MAD1L1: variants seen among roughly 807,000 people sequenced by gnomAD.
The protein encoded by MAD1L1 is mitotic arrest deficient 1 like 1, also known as mitotic spindle assembly checkpoint protein MAD1.
In MAD1L1, 95 loss-of-function variants were observed where a neutral mutation model predicts 96.9. The observed-to-expected ratio is 0.98, with a 90% confidence interval of 0.83 to 1.16. The LOEUF (loss-of-function observed/expected upper bound fraction) is 1.16. Ranked by LOEUF, MAD1L1 falls within the 50% of genes most tolerant of loss-of-function variation. MAD1L1 has a pLI of 0.00. For missense variants in MAD1L1, 1,007 were observed against 954.4 expected (o/e 1.06, Z -0.73); for synonymous variants, 473 against 396.6 (o/e 1.19, Z -2.29).
At chr7:1,840,568 A>G (rs1783196791) in intron 18 of MAD1L1, among the ~76,000 whole-genome samples, 1 of 152,132 alleles carries the variant, frequency 6.6e-6, no homozygotes, top group South Asian at 2.1e-4. Flanking sequence ...CGTCTCTACT[A>G]AAAATACAAA....
At chr7:2,183,628 C>T (rs1234670201) in intron 10 of MAD1L1, among the ~76,000 whole-genome samples, 2 of 152,100 alleles carry the variant, frequency 1.3e-5, no homozygotes, top group African/African-American at 4.8e-5. Context: ...TGGAGACTAT[C>T]ATTCTCAGCA....
intron 9 of MAD1L1, among the ~76,000 whole-genome samples, chr7:2,214,267 A>G (rs1329219624): frequency 6.6e-6 from 1 of 152,216 alleles, no homozygotes; most frequent in East Asian, 1.9e-4. Flanking sequence ...CTCTTCAACC[A>G]TCAAACAATA....
At chr7:2,093,019 C>A (rs894941477) in intron 11 of MAD1L1, among the ~76,000 whole-genome samples, 1 of 151,348 alleles carries the variant, frequency 6.6e-6, no homozygotes, top group East Asian at 1.9e-4. Flanking sequence ...GGGTGGATCA[C>A]GAGGTCAGGA....
chr7:2,061,020 T>C lies in MAD1L1; in HGVS notation c.1218+8174A>G, dbSNP rs117612879. Among the ~76,000 whole-genome samples the C allele has an allele frequency of 6.9e-3, 1,044 of 152,234 alleles. 3 individuals are homozygous for C. The highest frequency in any genetic ancestry group is 9.4e-3 in the Non-Finnish European group (638 of 68,018). On this transcript the variant is annotated intron_variant, in intron 12 of 18. Transcript: ENST00000265854. ...CACATCCAGAGTAAAGAACTACAAC[T>C]CAGTAAGAACAAGGCAAACAATCAT... is the stretch of plus-strand genomic sequence containing the variant.
chr7:1,871,293 T>G (rs1785077053), intron 18 of MAD1L1, among the ~76,000 whole-genome samples: 1 of 140,336 alleles, frequency 7.1e-6, no homozygotes, highest in African/African-American at 2.7e-5. Flanking sequence ...TTGTAACACC[T>G]GCCACACTGA....
rs1337555830 is a variant in MAD1L1, at chr7:1,968,542, T to C, written c.1506-10823A>G. On this transcript the variant is annotated intron_variant, in intron 15 of 18. Transcript: ENST00000265854. This position sits in a 1 kb window ranked among gnomAD's most constrained non-coding sequence, Gnocchi z 5.6. Reference sequence around the variant, plus strand: ...GGTCCACCGTCAATGCCAGCGGTCATGTCCACCATCAACGCCTCAGTCCAG... The same window carrying C: ...GGTCCACCGTCAATGCCAGCGGTCACGTCCACCATCAACGCCTCAGTCCAG... Among the ~76,000 whole-genome samples the C allele has an allele frequency of 7.0e-6, 1 of 143,660 alleles. No homozygotes were observed. The highest frequency in any genetic ancestry group is 1.5e-5 in the Non-Finnish European group (1 of 66,324). The allele number at this position is 143,660 out of a possible 152,430, so 94.2% of individuals were successfully genotyped here.
chr7:2,033,375 C>T (rs1410079423), intron 12 of MAD1L1, among the ~76,000 whole-genome samples: 3 of 152,182 alleles, frequency 2.0e-5, no homozygotes, highest in African/African-American at 7.2e-5. Flanking sequence ...GGAGCAAGGC[C>T]CTGAAAGGCT....
At chr7:1,834,944 A>G (rs570955670) in intron 18 of MAD1L1, among the ~76,000 whole-genome samples, 105 of 152,254 alleles carry the variant, frequency 6.9e-4, no homozygotes, top group Non-Finnish European at 1.3e-3. Context: ...CCAATAACAT[A>G]TAAAAAAAGA....
At chr7:1,917,154 G>A (rs55703253) in intron 17 of MAD1L1, among the ~76,000 whole-genome samples, 7,552 of 152,302 alleles carry the variant, frequency 0.05, 281 homozygotes, top group Admixed American at 0.1. Context: ...GAGCGTCCAG[G>A]CGATGCTCAG....
chr7:1,881,233 T>C (rs1224451365), intron 18 of MAD1L1, among the ~76,000 whole-genome samples: 2 of 152,196 alleles, frequency 1.3e-5, no homozygotes, highest in Non-Finnish European at 2.9e-5. Context: ...TGGGTTTAAA[T>C]GGTCACGCAT....
intron 15 of MAD1L1, among the ~76,000 whole-genome samples, chr7:1,962,107 G>A (rs553064810): frequency 4.0e-5 from 6 of 151,640 alleles, no homozygotes; most frequent in South Asian, 4.2e-4. Context: ...ATCATAGGGC[G>A]GTTTCCCCCA....
At chr7:2,118,826 G>A (rs371736845) in intron 11 of MAD1L1, among the ~76,000 whole-genome samples, 21 of 152,308 alleles carry the variant, frequency 1.4e-4, no homozygotes, top group African/African-American at 4.8e-4. Flanking sequence ...CACAGGTGAC[G>A]TGAGGCACGC....
chr7:2,223,203 G>A (rs1052777360), intron 4 of MAD1L1, among the ~76,000 whole-genome samples: 5 of 152,192 alleles, frequency 3.3e-5, no homozygotes, highest in African/African-American at 1.2e-4. Flanking sequence ...GCAGAGACAG[G>A]CAGCGTGGAC....
intron 18 of MAD1L1, among the ~76,000 whole-genome samples, chr7:1,896,054 G>A (rs1031710688): frequency 2.0e-5 from 3 of 152,222 alleles, no homozygotes; most frequent in Admixed American, 6.5e-5. Flanking sequence ...CCGGCCTCCC[G>A]TACGCTGTGT....
chr7:1,819,896 C>T (rs1782036073), intron 18 of MAD1L1, among the ~76,000 whole-genome samples: 1 of 152,092 alleles, frequency 6.6e-6, no homozygotes, highest in African/African-American at 2.4e-5. Context: ...AGAGAAACTC[C>T]ATGAACTGGG....
At chr7:2,199,557 G>A (rs758029467) in intron 10 of MAD1L1, among the ~76,000 whole-genome samples, 6 of 152,252 alleles carry the variant, frequency 3.9e-5, no homozygotes, top group African/African-American at 7.2e-5. Flanking sequence ...TCTGCTACAC[G>A]GATGTCCCTG....
chr7:2,226,014 C>T (rs1223314883), intron 3 of MAD1L1, among the ~76,000 whole-genome samples: 2 of 152,224 alleles, frequency 1.3e-5, no homozygotes, highest in African/African-American at 2.4e-5. Context: ...GTGCTGCCCA[C>T]ATCCCTTGCC....
chr7:2,169,594 C>T (rs1277942436), intron 10 of MAD1L1, among the ~76,000 whole-genome samples: 1 of 152,180 alleles, frequency 6.6e-6, no homozygotes, highest in Non-Finnish European at 1.5e-5. Context: ...CCAGGCTCCG[C>T]GCTGCGTGCA....
chr7:1,897,026 A>G (rs910387793), intron 18 of MAD1L1, among the ~76,000 whole-genome samples: 11 of 152,272 alleles, frequency 7.2e-5, no homozygotes, highest in African/African-American at 2.2e-4. Flanking sequence ...GAGAGTTTCA[A>G]GAGTGTAGAA....
Sources: gnomAD v4.1 joint callset for allele counts (sites outside exome capture counted in the v4.1 genomes callset) on GRCh38, gnomAD v4.1.1 for gene constraint, Gnocchi (gnomAD v3.1) non-coding constraint, MANE v1.5 for transcripts, NCBI Gene and HGNC (gene_info 2026-07-23, HGNC 2026-07-21) for gene names.